FRAS1: variants seen among roughly 807,000 people sequenced by gnomAD.
FRAS1 encodes the protein Fraser extracellular matrix complex subunit 1.
A neutral mutation model predicts 435.2 loss-of-function variants in FRAS1; 290 were observed. That is an observed-to-expected ratio of 0.67 (90% CI 0.61 to 0.73). The LOEUF is 0.73. FRAS1 is among the 30% of genes least tolerant of loss of function. The pLI, the probability that FRAS1 is intolerant of heterozygous loss-of-function variation, is 0.00. For missense variants in FRAS1, 4,860 were observed against 5,001.5 expected (o/e 0.97, Z 0.85); for synonymous variants, 1,800 against 1,851.0 (o/e 0.97, Z 0.71).
At chr4:78,148,137 T>C (rs1163190415) in intron 2 of FRAS1, among the ~76,000 whole-genome samples, 1 of 152,106 alleles carries the variant, frequency 6.6e-6, no homozygotes. Flanking sequence ...TTGGGATTGT[T>C]GATTTTTTTT....
chr4:78,254,827 T>A (rs1217223844), intron 5 of FRAS1, among the ~76,000 whole-genome samples: 3 of 152,210 alleles, frequency 2.0e-5, no homozygotes, highest in Admixed American at 2.0e-4. Flanking sequence ...TGCTATTTAA[T>A]GTTTTCCTCC....
intron 62 of FRAS1, among the ~76,000 whole-genome samples, chr4:78,508,354 T>G (rs1334546665): frequency 6.6e-6 from 1 of 152,256 alleles, no homozygotes; most frequent in African/African-American, 2.4e-5. Context: ...ACTCTTATTT[T>G]GCCAAATGTT....
chr4:78,284,247 T>TTTC (rs1277171416), intron 12 of FRAS1, among the ~76,000 whole-genome samples, 158 bp from the exon 13 acceptor site: 1 of 149,686 alleles, frequency 6.7e-6, no homozygotes, highest in Non-Finnish European at 1.5e-5. Context: ...TTTTTTTTTT[T>TTTC]TTTTTGCTAT....
At chr4:78,391,033 G>GT (rs1732424258) in intron 29 of FRAS1, among the ~76,000 whole-genome samples, 3 of 152,150 alleles carry the variant, frequency 2.0e-5, no homozygotes, top group African/African-American at 4.8e-5. Context: ...TACCTTTTTT[G>GT]GTTTTTTTTG....
intron 23 of FRAS1, among the ~76,000 whole-genome samples, chr4:78,372,071 C>T (rs1731537968): frequency 6.6e-6 from 1 of 152,166 alleles, no homozygotes; most frequent in Non-Finnish European, 1.5e-5. Flanking sequence ...AGTGACTATC[C>T]CATAGGTGCT....
chr4:78,357,766 G>A (rs4569782), intron 20 of FRAS1, among the ~76,000 whole-genome samples: 4,770 of 152,180 alleles, frequency 0.031, 93 homozygotes, highest in African/African-American at 0.051. Flanking sequence ...AGGCGGACCC[G>A]GTGGTACACA....
intron 2 of FRAS1, among the ~76,000 whole-genome samples, chr4:78,091,623 TTGTG>T (rs10631175): frequency 4.1e-5 from 6 of 148,104 alleles, no homozygotes; most frequent in African/African-American, 1.2e-4. Flanking sequence ...ACACGTGTGT[TTGTG>T]TGTGTGTGTG....
intron 33 of FRAS1, among the ~76,000 whole-genome samples, chr4:78,420,834 T>G (rs1194517433): frequency 1.6e-4 from 24 of 147,806 alleles, no homozygotes; most frequent in Non-Finnish European, 1.5e-5. Context: ...TGCATCTTAC[T>G]ATGTGTATTA....
intron 6 of FRAS1, among the ~76,000 whole-genome samples, chr4:78,261,595 T>A (rs1726110079): frequency 6.6e-6 from 1 of 152,134 alleles, no homozygotes; most frequent in Non-Finnish European, 1.5e-5. Context: ...GACTCTCATG[T>A]GAGAGATGCT....
At chr4:78,133,860 G>A (rs1407294490) in intron 2 of FRAS1, among the ~76,000 whole-genome samples, 1 of 151,892 alleles carries the variant, frequency 6.6e-6, no homozygotes. Flanking sequence ...AGGATCTTTT[G>A]GGTCATCACC....
intron 15 of FRAS1, among the ~76,000 whole-genome samples, chr4:78,314,241 C>T (rs150742413): frequency 3.9e-5 from 6 of 152,156 alleles, no homozygotes; most frequent in Non-Finnish European, 5.9e-5. Context: ...ACCTCTCCCA[C>T]GAGCTCCAGA....
At chr4:78,301,652 C>T (rs1226850710) in intron 14 of FRAS1, among the ~76,000 whole-genome samples, 1 of 152,054 alleles carries the variant, frequency 6.6e-6, no homozygotes, top group Admixed American at 6.6e-5. Flanking sequence ...GGTGGTGATC[C>T]TGTGGACACT....
intron 2 of FRAS1, among the ~76,000 whole-genome samples, chr4:78,211,994 G>A (rs1314246297): frequency 2.0e-5 from 3 of 152,048 alleles, no homozygotes; most frequent in African/African-American, 4.8e-5. Context: ...ATGTTTTCAA[G>A]GTTCATCTGT....
At chr4:78,083,448 C>T (rs1740990634) in intron 2 of FRAS1, among the ~76,000 whole-genome samples, 1 of 152,054 alleles carries the variant, frequency 6.6e-6, no homozygotes, top group Admixed American at 6.6e-5. Flanking sequence ...GGCTTAAAGA[C>T]AAAGTGTTAC....
chr4:78,384,197 C>T, intron 28 of FRAS1, 54 bp downstream of exon 28: 1 of 1,199,252 alleles, frequency 8.3e-7, no homozygotes, highest in South Asian at 1.5e-5. Context: ...AGTTCTCAAG[C>T]ACGAAATCTA....
intron 2 of FRAS1, among the ~76,000 whole-genome samples, chr4:78,188,040 A>G (rs1257418316): frequency 6.6e-6 from 1 of 152,224 alleles, no homozygotes; most frequent in Admixed American, 6.5e-5. Flanking sequence ...AAATTCACCA[A>G]GTGTAGGGTG....
chr4:78,322,361 A>G (rs1463906497), intron 18 of FRAS1, among the ~76,000 whole-genome samples: 1 of 152,194 alleles, frequency 6.6e-6, no homozygotes, highest in Non-Finnish European at 1.5e-5. Flanking sequence ...TAAAAAGGTT[A>G]GATGGGTGTT....
In FRAS1 at chr4:78,347,785, GTGTT is replaced by G. The variant is rs1340686449; in HGVS notation, c.2422+9970_2422+9973del. Among the ~76,000 whole-genome samples, 98 of 100,136 alleles carry G rather than the reference GTGTT, an allele frequency of 9.8e-4. 1 individual carries two copies. The Middle Eastern group carries it at 0.031, about 32-fold the overall frequency. The allele number at this position is 100,136 out of a possible 152,430, so 65.7% of individuals were successfully genotyped here. ...TGTGTATGTGTGTGCGTGTGTGTGT[GTGTT>G]TTTTTTTTTTTTTTTTGGTCATCCC... On this transcript the variant is annotated intron_variant, in intron 20 of 73. Coordinates refer to ENST00000512123, the MANE Select transcript of FRAS1 (RefSeq NM_025074.7).
chr4:78,213,612 A>G (rs1439741939), intron 2 of FRAS1, among the ~76,000 whole-genome samples: 1 of 152,226 alleles, frequency 6.6e-6, no homozygotes, highest in Non-Finnish European at 1.5e-5. Flanking sequence ...AAAATGTATA[A>G]CAGATATACT....
Sources: allele counts gnomAD v4.1 joint callset (sites outside exome capture counted in the v4.1 genomes callset), GRCh38; gene constraint gnomAD v4.1.1; transcripts MANE v1.5; gene names NCBI Gene and HGNC (gene_info 2026-07-23, HGNC 2026-07-21).